The following DRC11 variants were observed in gnomAD, a reference collection of about 807,000 sequenced individuals.
DRC11 encodes the protein IQ and AAA domain-containing protein 1.
chr2:236,486,982 C>G, the DRC11 span: 1 of 1,024,522 alleles, frequency 9.8e-7, no homozygotes, highest in African/African-American at 1.6e-5. This position sits in a 1 kb window ranked among gnomAD's most constrained non-coding sequence, Gnocchi z 5.7. Context: ...ATATAAACTG[C>G]ACATCTCAAA....
At chr2:236,472,370 C>T in the DRC11 span, among the ~76,000 whole-genome samples, 24 of 152,174 alleles carry the variant, frequency 1.6e-4, no homozygotes, top group African/African-American at 5.8e-4. This position sits in a 1 kb window ranked among gnomAD's most constrained non-coding sequence, Gnocchi z 4.6. Flanking sequence ...ACCCTATGGG[C>T]TACTCCAAAC....
the DRC11 span, among the ~76,000 whole-genome samples, chr2:236,371,290 C>A: frequency 6.6e-6 from 1 of 152,120 alleles, no homozygotes; most frequent in African/African-American, 2.4e-5. The surrounding 1 kb of genome is among the most constrained non-coding windows in gnomAD (Gnocchi z 5.1). Context: ...CTGGGCCATG[C>A]CTCTGTTGTC....
chr2:236,376,346 T>G, the DRC11 span, among the ~76,000 whole-genome samples: 1 of 152,206 alleles, frequency 6.6e-6, no homozygotes, highest in Non-Finnish European at 1.5e-5. This position sits in a 1 kb window ranked among gnomAD's most constrained non-coding sequence, Gnocchi z 5.7. Context: ...TGCACCATCC[T>G]TGGCTGGATT....
the DRC11 span, among the ~76,000 whole-genome samples, chr2:236,365,062 A>G: frequency 6.6e-6 from 1 of 152,082 alleles, no homozygotes; most frequent in African/African-American, 2.4e-5. This position sits in a 1 kb window ranked among gnomAD's most constrained non-coding sequence, Gnocchi z 7.4. Context: ...GAGAGATGCC[A>G]TTCATTTGCC....
At chr2:236,315,958 T>A in the DRC11 span, among the ~76,000 whole-genome samples, 1 of 152,122 alleles carries the variant, frequency 6.6e-6, no homozygotes, top group Non-Finnish European at 1.5e-5. The surrounding 1 kb of genome is among the most constrained non-coding windows in gnomAD (Gnocchi z 5.1). Flanking sequence ...CATTTACCTA[T>A]GTAACAAACC....
At chr2:236,417,884 C>G in the DRC11 span, among the ~76,000 whole-genome samples, 1 of 152,094 alleles carries the variant, frequency 6.6e-6, no homozygotes, top group Non-Finnish European at 1.5e-5. Flanking sequence ...CAGCTTCATT[C>G]ATGTATCTGC....
chr2:236,409,146 G>A, the DRC11 span: 1 of 352,742 alleles, frequency 2.8e-6, no homozygotes, highest in East Asian at 7.0e-5. Flanking sequence ...TCCCTCTGTT[G>A]CCCAGGCTAG....
the DRC11 span, among the ~76,000 whole-genome samples, chr2:236,311,833 C>T: frequency 8.6e-5 from 13 of 152,044 alleles, no homozygotes; most frequent in South Asian, 2.5e-3. This position sits in a 1 kb window ranked among gnomAD's most constrained non-coding sequence, Gnocchi z 6.9. Context: ...GATGCTAAGC[C>T]AGGCTGGAGA....
chr2:236,346,082 G>A, the DRC11 span, among the ~76,000 whole-genome samples: 1 of 152,342 alleles, frequency 6.6e-6, no homozygotes, highest in Non-Finnish European at 1.5e-5. Flanking sequence ...CGGACATTCA[G>A]AGAGAAAAGA....
chr2:236,331,682 T>C, the DRC11 span: 1 of 1,011,050 alleles, frequency 9.9e-7, no homozygotes, highest in Non-Finnish European at 1.5e-6. This position sits in a 1 kb window ranked among gnomAD's most constrained non-coding sequence, Gnocchi z 4.8. Context: ...AAGTTGCATC[T>C]CATCAAGAAA....
chr2:236,484,289 T>A, the DRC11 span, among the ~76,000 whole-genome samples: 2 of 152,244 alleles, frequency 1.3e-5, no homozygotes, highest in Non-Finnish European at 2.9e-5. Flanking sequence ...TTTTAAAAGC[T>A]ACAAATTATT....
the DRC11 span, among the ~76,000 whole-genome samples, chr2:236,425,707 C>G: frequency 6.6e-6 from 1 of 152,026 alleles, no homozygotes; most frequent in South Asian, 2.1e-4. Context: ...AAAATCACTG[C>G]CCAGATCAAT....
chr2:236,421,957 CAT>C, the DRC11 span, among the ~76,000 whole-genome samples: 1 of 152,096 alleles, frequency 6.6e-6, no homozygotes. Flanking sequence ...TGACAAAAAC[CAT>C]ATGATTATCT....
At chr2:236,338,249 T>A in the DRC11 span, 1 of 1,614,022 alleles carries the variant, frequency 6.2e-7, no homozygotes, top group African/African-American at 1.3e-5. Context: ...AATAATTTTC[T>A]GGTAAACTTT....
At chr2:236,401,820 GA>G in the DRC11 span, among the ~76,000 whole-genome samples, 1 of 152,086 alleles carries the variant, frequency 6.6e-6, no homozygotes, top group African/African-American at 2.4e-5. This position sits in a 1 kb window ranked among gnomAD's most constrained non-coding sequence, Gnocchi z 4.6. Flanking sequence ...TGGGGTTGAT[GA>G]AAATGTCTCC....
chr2:236,492,513 G>T, the DRC11 span, among the ~76,000 whole-genome samples: 72 of 152,222 alleles, frequency 4.7e-4, no homozygotes, highest in Admixed American at 2.7e-3. Flanking sequence ...TTTGTAGAAA[G>T]ACTGCAGGTG....
the DRC11 span, among the ~76,000 whole-genome samples, chr2:236,372,549 T>C: frequency 6.6e-6 from 1 of 151,512 alleles, no homozygotes; most frequent in Non-Finnish European, 1.5e-5. The surrounding 1 kb of genome is among the most constrained non-coding windows in gnomAD (Gnocchi z 4.5). Context: ...CGAGCTGCAC[T>C]TTTTTTTTCC....
chr2:236,416,724 TA>T, the DRC11 span, among the ~76,000 whole-genome samples: 1,864 of 20,416 alleles, frequency 0.091, 90 homozygotes, highest in African/African-American at 0.097. Flanking sequence ...TATATATTTA[TA>T]TATATATATA....
chr2:236,348,840 C>A, the DRC11 span, among the ~76,000 whole-genome samples: 1 of 152,158 alleles, frequency 6.6e-6, no homozygotes, highest in Non-Finnish European at 1.5e-5. The surrounding 1 kb of genome is among the most constrained non-coding windows in gnomAD (Gnocchi z 7.4). Flanking sequence ...TTTCTCTGCA[C>A]TCTCTCAATA....
Sources: gnomAD v4.1 joint callset for allele counts (sites outside exome capture counted in the v4.1 genomes callset) on GRCh38, gnomAD v4.1.1 for gene constraint, Gnocchi (gnomAD v3.1) non-coding constraint, MANE v1.5 for transcripts, NCBI Gene and HGNC (gene_info 2026-07-23, HGNC 2026-07-21) for gene names.